Variants in BCORL1 observed in about 807,000 individuals in gnomAD.
BCORL1 encodes BCL-6 corepressor-like protein 1.
In BCORL1, 7 loss-of-function variants were observed where a neutral mutation model predicts 87.6. The ratio of observed to expected loss-of-function variants is 0.08; its 90% CI spans 0.05 to 0.15. The LOEUF is 0.15. BCORL1 is among the 10% of genes least tolerant of loss of function. The pLI, the probability that BCORL1 is intolerant of heterozygous loss-of-function variation, is 1.00. For synonymous variants in BCORL1, 591 were observed against 634.4 expected, an observed-to-expected ratio of 0.93 and a Z score of 1.03; for missense variants, 1,215 against 1,499.7, an observed-to-expected ratio of 0.81 and a Z score of 3.13.
chrX:130,025,805 C>G (rs184758483), intron 7 of BCORL1, among the ~76,000 whole-genome samples: 2 of 110,555 alleles, frequency 1.8e-5, no homozygotes, highest in African/African-American at 3.3e-5. Flanking sequence ...CTTGCAGCCT[C>G]TAAGCTAAAA....
intron 12 of BCORL1, among the ~76,000 whole-genome samples, chrX:130,051,269 A>AC (rs1932056778): frequency 8.9e-6 from 1 of 112,790 alleles, no homozygotes; most frequent in Admixed American, 9.3e-5. Context: ...CTCCTGGAAG[A>AC]CCAGCAGGCC....
Position 130,039,137 on chromosome X carries a change from G to A in BCORL1, c.4695G>A (p.Arg1565=), listed in dbSNP as rs1170212139. The change falls in exon 11 of 14, where the codon AGG becomes AGA. Residue 1565 remains arginine (R), a splice_region_variant and synonymous_variant. Coordinates refer to ENST00000540052, the MANE Select transcript of BCORL1 (RefSeq NM_001379451.1). ...NVNCSAQDGT[R]PVHDAVVNDN... is the part of the protein sequence containing the mutation. ...TCCTCACCCTGTATCACCTCCACAG[G>A]CCAGTTCATGATGCGGTGGTCAATG... The A allele has an allele frequency of 8.3e-7, 1 of 1,209,262 alleles. No homozygotes were observed. Among genetic ancestry groups the A allele is most frequent in the Non-Finnish European group, 1.1e-6 (1 of 894,930 alleles).
rs145095527 is a variant in BCORL1, at chrX:130,056,444, T to A, written c.*308T>A. 1,108 of 228,218 alleles carry A rather than the reference T, an allele frequency of 4.9e-3. 10 individuals are homozygous for A. The highest frequency in any genetic ancestry group is 0.029 in the African/African-American group (1,004 of 34,750). The allele number at this position is 228,218 out of a possible 1,213,427, so 18.8% of individuals were successfully genotyped here. A position where few individuals can be genotyped will look rare whatever the true frequency, so the allele number is the denominator to read the frequency against. Reference sequence around the variant, plus strand: ...GGCGCCGGGGTCCCTTGGACTGGCCTCCTTGTTCATGACCAAGACCAAACC... The same window carrying A: ...GGCGCCGGGGTCCCTTGGACTGGCCACCTTGTTCATGACCAAGACCAAACC... On this transcript the variant is annotated 3_prime_UTR_variant, in exon 14 of 14. Coordinates refer to ENST00000540052, the MANE Select transcript of BCORL1 (RefSeq NM_001379451.1).
chrX:129,985,131 G>T (rs963526004), intron 1 of BCORL1, among the ~76,000 whole-genome samples: 1 of 111,914 alleles, frequency 8.9e-6, no homozygotes, highest in Admixed American at 9.5e-5. Context: ...CGTTACAGTG[G>T]TTAGCCCTGT....
At chrX:130,052,971 G>A (rs992969715) in intron 13 of BCORL1, among the ~76,000 whole-genome samples, 6 of 111,064 alleles carry the variant, frequency 5.4e-5, no homozygotes, top group Admixed American at 2.9e-4. Flanking sequence ...GTGAAACCTC[G>A]TCTACTAAAC....
chrX:130,048,415 A>G (rs961174185), intron 11 of BCORL1, among the ~76,000 whole-genome samples: 1 of 111,931 alleles, frequency 8.9e-6, no homozygotes, highest in Non-Finnish European at 1.9e-5. Flanking sequence ...CAACTAAGTC[A>G]GCTTGCCAGT....
At chrX:130,029,930 C>T (rs909048810) in intron 8 of BCORL1, among the ~76,000 whole-genome samples, 2 of 111,690 alleles carry the variant, frequency 1.8e-5, no homozygotes, top group African/African-American at 6.5e-5. Flanking sequence ...GCTGGAATTA[C>T]AGGCGGAAGC....
chrX:130,042,710 C>T (rs762796518), intron 11 of BCORL1, among the ~76,000 whole-genome samples: 1 of 111,300 alleles, frequency 9.0e-6, no homozygotes, highest in Non-Finnish European at 1.9e-5. Flanking sequence ...GGTGGCTCAC[C>T]CCTGTAATCC....
intron 10 of BCORL1, among the ~76,000 whole-genome samples, chrX:130,038,042 G>C (rs1037050179): frequency 1.8e-5 from 2 of 111,403 alleles, no homozygotes; most frequent in African/African-American, 6.5e-5. Flanking sequence ...GAGCCAATGA[G>C]TTAGTTCCCA....
rs745317901 is a variant in BCORL1, at chrX:130,022,930, G to A, written c.3641G>A (p.Arg1214His). 1.7e-6 allele frequency: 2 copies of A among 1,211,742 alleles called. No homozygotes were observed. Reference protein sequence around the residue: ...SLEKKAKSSFRDFIPVVLSTR... With the variant: ...SLEKKAKSSFHDFIPVVLSTR... Reference sequence around the variant, plus strand: ...GAAAAGAAAGCAAAGAGCAGTTTCCGTGACTTTATTCCTGTGGTTCTGAGC... The same window carrying A: ...GAAAAGAAAGCAAAGAGCAGTTTCCATGACTTTATTCCTGTGGTTCTGAGC... The change falls in exon 6 of 14, where the codon CGT becomes CAT. Residue 1214 changes from arginine to histidine, a missense_variant. This residue lies in a region of BCORL1 where 4 missense variants were observed against 20.6 expected (regional missense o/e 0.19). Coordinates refer to ENST00000540052, the MANE Select transcript of BCORL1 (RefSeq NM_001379451.1).
At chrX:129,990,382 C>T (rs1927025276) in intron 1 of BCORL1, among the ~76,000 whole-genome samples, 1 of 110,336 alleles carries the variant, frequency 9.1e-6, no homozygotes, top group African/African-American at 3.3e-5. Flanking sequence ...CAGGCGCCCA[C>T]CACCGTGCCC....
At position 130,021,110 on chromosome X, in the gene BCORL1, G is replaced by T. The variant is rs1929768003; in HGVS notation, c.3567G>T (p.Glu1189Asp). The T allele has an allele frequency of 8.3e-7, 1 of 1,199,792 alleles. No homozygotes were observed. Among genetic ancestry groups the T allele is most frequent in the African/African-American group, 1.8e-5 (1 of 56,297 alleles). ...AGCACCGGAAGCCGACAAAGCCGGA[G>T]TCCCAGTCTCCAGGAAAACGAGCCG... ...KHKHRKPTKP[E>D]SQSPGKRADS... The change falls in exon 5 of 14, where the codon GAG becomes GAT. Residue 1189 changes from glutamate (E) to aspartate (D), a missense_variant. Physicochemically the swap from Glu to Asp is conservative, Grantham distance 45. This residue lies in a region of BCORL1 where 861 missense variants were observed against 1,010.0 expected (regional missense o/e 0.85). Transcript: ENST00000540052.
chrX:130,014,359 T>C lies in BCORL1; in HGVS notation c.1587T>C (p.Thr529=). The change falls in exon 4 of 14, where the codon ACT becomes ACC. Residue 529 remains threonine (T), a synonymous_variant. Transcript: ENST00000540052. ...VSLEVNRLPC[T]SPSGSTTTQP... is the part of the protein sequence containing the mutation. Reference sequence around the variant, plus strand: ...TGGAGGTGAACAGGCTCCCCTGCACTTCCCCATCCGGTAGCACCACCACCC... The same window carrying C: ...TGGAGGTGAACAGGCTCCCCTGCACCTCCCCATCCGGTAGCACCACCACCC... 1 of 1,211,444 alleles carries C rather than the reference T, an allele frequency of 8.3e-7. No individual in the cohort carries two copies. Among genetic ancestry groups the C allele is most frequent in the African/African-American group, 1.7e-5 (1 of 57,645 alleles).
At position 130,015,409 on chromosome X, in the gene BCORL1, A is replaced by G. The variant is rs755118795; in HGVS notation, c.2637A>G (p.Glu879=). Residue 879 remains glutamate (E), a synonymous_variant, in exon 4 of 14, where the codon GAA becomes GAG. Coordinates refer to ENST00000540052, the MANE Select transcript of BCORL1 (RefSeq NM_001379451.1). ...GTGTGCCATCTCTCAGCTCCAGCGAAGCCGTGCACGGACTTCCTGAGGGGC... is the reference window on the plus strand; with the variant it reads ...GTGTGCCATCTCTCAGCTCCAGCGAGGCCGTGCACGGACTTCCTGAGGGGC... The part of the protein sequence containing the change: ...FSGVPSLSSS[E]AVHGLPEGQP... The G allele has an allele frequency of 1.6e-6, 2 of 1,212,152 alleles. No individual in the cohort carries two copies. Among genetic ancestry groups the G allele is most frequent in the South Asian group, 3.5e-5 (2 of 57,043 alleles).
intron 8 of BCORL1, among the ~76,000 whole-genome samples, chrX:130,029,362 C>T (rs907230624): frequency 9.0e-6 from 1 of 111,238 alleles, no homozygotes. Flanking sequence ...CTCATGGAAG[C>T]GTAGATGCTA....
chrX:130,034,792 G>GGGCAATCTGGGGTGT, intron 9 of BCORL1, 116 bp downstream of exon 9: 1 of 473,646 alleles, frequency 2.1e-6, no homozygotes. Context: ...CTACACCCCA[G>GGGCAATCTGGGGTGT]ATTGCCCTGG....
chrX:130,004,465 G>A (rs1428873475), intron 1 of BCORL1, among the ~76,000 whole-genome samples: 2 of 110,674 alleles, frequency 1.8e-5, no homozygotes, highest in Non-Finnish European at 3.8e-5. Flanking sequence ...GGCTGGTCTC[G>A]AGCTCCTGAC....
intron 8 of BCORL1, 72 bp from the exon 9 acceptor site, chrX:130,034,383 G>A (rs1930807465): frequency 1.3e-6 from 1 of 779,551 alleles, no homozygotes; most frequent in Non-Finnish European, 1.7e-6. Flanking sequence ...GCCACTGAGG[G>A]CAGTGATGAC....
At position 129,999,692 on chromosome X, in the gene BCORL1, C is replaced by G. The variant is rs375551193; in HGVS notation, c.-44-5496C>G. 7.2e-3 allele frequency among the ~76,000 whole-genome samples: 735 copies of G among 102,507 alleles called. 4 individuals carry two copies. Among genetic ancestry groups the G allele is most frequent in the Middle Eastern group, 0.034 (6 of 178 alleles). The allele number at this position is 102,507 out of a possible 115,157, so 89.0% of individuals were successfully genotyped here. A position where few individuals can be genotyped will look rare whatever the true frequency, so the allele number is the denominator to read the frequency against. ...AGTCCTCTAATTCTTTTTCCCCCCC[C>G]CCAGACAGAGTCTTAACTGTCGCCT... On this transcript the variant is annotated intron_variant, in intron 1 of 13. Coordinates refer to ENST00000540052, the MANE Select transcript of BCORL1 (RefSeq NM_001379451.1).
Sources: gnomAD v4.1 joint callset for allele counts (sites outside exome capture counted in the v4.1 genomes callset) on GRCh38, gnomAD v4.1.1 for gene constraint, gnomAD v4.1.1 regional missense constraint, MANE v1.5 for transcripts, NCBI Gene and HGNC (gene_info 2026-07-23, HGNC 2026-07-21) for gene names.